The following SNX29 variants were observed in gnomAD, a reference collection of about 807,000 sequenced individuals.
SNX29 encodes the protein sorting nexin 29.
Under a neutral mutation model 102.1 loss-of-function variants are expected in SNX29, and 78 were observed. That is an observed-to-expected ratio of 0.76 (90% confidence interval 0.64 to 0.92). The LOEUF (loss-of-function observed/expected upper bound fraction) is 0.92, where lower values mean the gene tolerates loss of function less well. Ranked by LOEUF, SNX29 falls within the 40% of genes least tolerant of loss-of-function variation. The pLI is 0.00. For synonymous variants in SNX29, 580 were observed against 414.5 expected (o/e 1.40, Z -4.85); for missense variants, 1,280 against 1,061.7 (o/e 1.21, Z -2.86).
At chr16:12,399,374 G>C (rs2083849133) in intron 17 of SNX29, among the ~76,000 whole-genome samples, 2 of 152,114 alleles carry the variant, frequency 1.3e-5, no homozygotes, top group African/African-American at 2.4e-5. Context: ...GGATTTCTTG[G>C]GCTTTGGACA....
chr16:12,300,332 T>G (rs955505377), intron 15 of SNX29, among the ~76,000 whole-genome samples: 4 of 152,184 alleles, frequency 2.6e-5, no homozygotes, highest in Non-Finnish European at 5.9e-5. Context: ...TTGATCACAT[T>G]TTCCTTCCTG....
In SNX29 at chr16:12,134,716, A is replaced by C. The variant is rs76393288; in HGVS notation, c.1595+4958A>C. Among the ~76,000 whole-genome samples the C allele has an allele frequency of 8.1e-3, 1,234 of 152,340 alleles. 17 individuals are homozygous for C. The highest frequency in any genetic ancestry group is 0.028 in the African/African-American group (1,176 of 41,566). On this transcript the variant is annotated intron_variant, in intron 13 of 20. Coordinates refer to ENST00000566228, the MANE Select transcript of SNX29 (RefSeq NM_032167.5). ...GTTGAGGGAAACACACAGTGGTGTGACTAGCAGGAGGCAGGGGTCACTGAG... is the reference window on the plus strand; with the variant it reads ...GTTGAGGGAAACACACAGTGGTGTGCCTAGCAGGAGGCAGGGGTCACTGAG...
intron 13 of SNX29, among the ~76,000 whole-genome samples, chr16:12,183,455 GAATA>G (rs1596454556): frequency 6.6e-6 from 1 of 151,818 alleles, no homozygotes; most frequent in East Asian, 1.9e-4. Context: ...CTAAATAAAT[GAATA>G]AACACAAACA....
intron 20 of SNX29, among the ~76,000 whole-genome samples, chr16:12,560,053 CTAGA>C (rs2078629848): frequency 1.3e-5 from 2 of 151,994 alleles, no homozygotes; most frequent in Non-Finnish European, 2.9e-5. Context: ...AGAAAAATGA[CTAGA>C]AAACTATGTA....
intron 10 of SNX29, among the ~76,000 whole-genome samples, chr16:12,076,417 C>T (rs1420571650): frequency 6.6e-6 from 1 of 151,976 alleles, no homozygotes; most frequent in African/African-American, 2.4e-5. Flanking sequence ...TCTCCTGCCT[C>T]AGCCTCCCAA....
intron 11 of SNX29, among the ~76,000 whole-genome samples, chr16:12,108,800 G>C (rs975416080): frequency 6.6e-6 from 1 of 152,070 alleles, no homozygotes; most frequent in Non-Finnish European, 1.5e-5. Context: ...TTCGTTTTCT[G>C]TTGCTTATAA....
intron 15 of SNX29, among the ~76,000 whole-genome samples, chr16:12,347,815 T>G (rs1007726894): frequency 6.6e-6 from 1 of 151,392 alleles, no homozygotes; most frequent in Non-Finnish European, 1.5e-5. Context: ...TGGTGGGTCA[T>G]GCCTATAATC....
intron 19 of SNX29, among the ~76,000 whole-genome samples, chr16:12,495,813 G>C (rs2088792884): frequency 6.6e-6 from 1 of 152,148 alleles, no homozygotes; most frequent in Non-Finnish European, 1.5e-5. Context: ...CAGCACTTTG[G>C]GAGACCAAGG....
intron 13 of SNX29, among the ~76,000 whole-genome samples, chr16:12,175,935 G>A (rs1422463157): frequency 2.0e-5 from 3 of 152,180 alleles, no homozygotes; most frequent in African/African-American, 7.2e-5. Flanking sequence ...GAGCCCAGAA[G>A]TTGGAGGTTA....
chr16:12,083,061 TG>T (rs2051988916), intron 11 of SNX29, among the ~76,000 whole-genome samples: 1 of 152,064 alleles, frequency 6.6e-6, no homozygotes, highest in Non-Finnish European at 1.5e-5. Flanking sequence ...CCTAGCACTT[TG>T]GGAGGCCGAG....
chr16:12,064,446 T>G (rs1236797115), intron 9 of SNX29, among the ~76,000 whole-genome samples: 1 of 152,344 alleles, frequency 6.6e-6, no homozygotes, highest in Middle Eastern at 3.4e-3. Context: ...ATCTTCTCAC[T>G]GCTGATGGGA....
intron 20 of SNX29, among the ~76,000 whole-genome samples, chr16:12,547,081 T>C (rs1383277447): frequency 6.6e-6 from 1 of 152,204 alleles, no homozygotes; most frequent in Non-Finnish European, 1.5e-5. Flanking sequence ...CAGACATGCC[T>C]ATGTGAGGTG....
intron 20 of SNX29, among the ~76,000 whole-genome samples, chr16:12,546,074 G>C (rs1185442143): frequency 2.6e-5 from 4 of 152,138 alleles, no homozygotes; most frequent in Non-Finnish European, 4.4e-5. Flanking sequence ...CTGGGTTTGA[G>C]TCCCCAGTCT....
intron 9 of SNX29, among the ~76,000 whole-genome samples, chr16:12,066,611 G>A (rs1189562288): frequency 2.6e-5 from 4 of 152,114 alleles, no homozygotes; most frequent in African/African-American, 7.2e-5. Flanking sequence ...CAGATGTGCC[G>A]AGGGTGACAG....
chr16:12,021,456 C>G (rs1289363773), intron 3 of SNX29, among the ~76,000 whole-genome samples: 3 of 151,872 alleles, frequency 2.0e-5, no homozygotes, highest in African/African-American at 7.3e-5. Context: ...ATAGGTCTTT[C>G]TGTCACAAGG....
chr16:12,340,416 G>A (rs1048110570), intron 15 of SNX29, among the ~76,000 whole-genome samples: 2 of 152,300 alleles, frequency 1.3e-5, no homozygotes, highest in South Asian at 2.1e-4. Flanking sequence ...GAGGAGGAAG[G>A]AGCTTTTATC....
intron 16 of SNX29, among the ~76,000 whole-genome samples, chr16:12,388,943 AG>A (rs1272603966): frequency 6.6e-6 from 1 of 152,190 alleles, no homozygotes; most frequent in Non-Finnish European, 1.5e-5. Flanking sequence ...GGATCAACCC[AG>A]GTGTATCTAA....
At chr16:12,558,870 G>A (rs2078541272) in intron 20 of SNX29, among the ~76,000 whole-genome samples, 1 of 152,230 alleles carries the variant, frequency 6.6e-6, no homozygotes, top group African/African-American at 2.4e-5. Context: ...CAGCCCATTT[G>A]CAGAAAATGT....
At chr16:12,432,882 C>G (rs2085370931) in intron 18 of SNX29, among the ~76,000 whole-genome samples, 1 of 152,256 alleles carries the variant, frequency 6.6e-6, no homozygotes, top group Non-Finnish European at 1.5e-5. Context: ...AGAAGACTTT[C>G]TCCCCATGTG....
Sources: gnomAD v4.1 joint callset for allele counts (sites outside exome capture counted in the v4.1 genomes callset) on GRCh38, gnomAD v4.1.1 for gene constraint, MANE v1.5 for transcripts, NCBI Gene and HGNC (gene_info 2026-07-23, HGNC 2026-07-21) for gene names.